The following UGT8 variants were observed in gnomAD, a reference collection of about 807,000 sequenced individuals.
UGT8 encodes the protein UDP glycosyltransferase 8.
UGT8 carries 12 observed loss-of-function variants against 40.5 expected under a neutral mutation model. The observed-to-expected ratio is 0.30, with a 90% confidence interval of 0.19 to 0.48. The LOEUF is 0.48. UGT8 is among the 20% of genes least tolerant of loss of function. The pLI is 0.99. For synonymous variants in UGT8, 224 were observed against 240.4 expected, an observed-to-expected ratio of 0.93 and a Z score of 0.63; for missense variants, 513 against 648.7, an observed-to-expected ratio of 0.79 and a Z score of 2.27.
chr4:114,636,848 C>G (rs1457459636), intron 2 of UGT8, among the ~76,000 whole-genome samples: 10 of 152,156 alleles, frequency 6.6e-5, no homozygotes, highest in Non-Finnish European at 1.3e-4. Context: ...CTATTCCCTT[C>G]TCTCTCTCTG....
In UGT8 at chr4:114,611,981, G is replaced by T. The variant is rs76479805; in HGVS notation, c.-2-10898G>T. Among the ~76,000 whole-genome samples, 324 of 152,198 alleles carry T rather than the reference G, an allele frequency of 2.1e-3. 7 individuals carry two copies. The highest frequency in any genetic ancestry group is 0.015 in the East Asian group (77 of 5,172). On this transcript the variant is annotated intron_variant, in intron 1 of 5. Transcript: ENST00000310836. Reference sequence around the variant, plus strand: ...AGACCTCCAGGTGATTGTGATGCCTGCTGAAGTTTGAGACCCACTTATCTA... The same window carrying T: ...AGACCTCCAGGTGATTGTGATGCCTTCTGAAGTTTGAGACCCACTTATCTA...
chr4:114,659,322 A>G (rs1013471514), intron 2 of UGT8, among the ~76,000 whole-genome samples: 1 of 152,254 alleles, frequency 6.6e-6, no homozygotes, highest in East Asian at 1.9e-4. Flanking sequence ...TTCAAAAGAC[A>G]TAGAAAATTA....
At chr4:114,627,683 C>T (rs1732321541) in intron 2 of UGT8, among the ~76,000 whole-genome samples, 1 of 152,174 alleles carries the variant, frequency 6.6e-6, no homozygotes, top group African/African-American at 2.4e-5. Flanking sequence ...CTTAGGGAAT[C>T]TAATAGTTAT....
At chr4:114,620,722 T>C (rs967401761) in intron 1 of UGT8, among the ~76,000 whole-genome samples, 3 of 152,204 alleles carry the variant, frequency 2.0e-5, no homozygotes, top group African/African-American at 7.2e-5. Context: ...AAAAAGCATC[T>C]GGAAATATAT....
chr4:114,655,684 T>C (rs1024078154), intron 2 of UGT8, among the ~76,000 whole-genome samples: 75 of 152,032 alleles, frequency 4.9e-4, no homozygotes, highest in African/African-American at 1.7e-3. Flanking sequence ...AACATTGATA[T>C]ATATTTTGTG....
intron 2 of UGT8, among the ~76,000 whole-genome samples, chr4:114,659,338 T>C (rs1734378500): frequency 1.3e-5 from 2 of 152,222 alleles, no homozygotes; most frequent in Admixed American, 6.5e-5. Flanking sequence ...AATTACTTTA[T>C]AGCTATAAAC....
At chr4:114,655,759 T>G (rs1281462826) in intron 2 of UGT8, among the ~76,000 whole-genome samples, 1 of 152,084 alleles carries the variant, frequency 6.6e-6, no homozygotes, top group Non-Finnish European at 1.5e-5. Context: ...TTAACAATGA[T>G]ATATTACTAC....
intron 5 of UGT8, among the ~76,000 whole-genome samples, chr4:114,674,775 C>A (rs1411029502): frequency 2.0e-5 from 3 of 152,218 alleles, no homozygotes; most frequent in African/African-American, 7.2e-5. Context: ...CTATAATGCA[C>A]AACTCAGTAG....
At chr4:114,655,601 C>A (rs952840931) in intron 2 of UGT8, among the ~76,000 whole-genome samples, 1 of 151,876 alleles carries the variant, frequency 6.6e-6, no homozygotes, top group Non-Finnish European at 1.5e-5. Context: ...TTTGCAAACT[C>A]AGTTCAAAGT....
At chr4:114,639,535 T>C (rs994259799) in intron 2 of UGT8, among the ~76,000 whole-genome samples, 1 of 152,198 alleles carries the variant, frequency 6.6e-6, no homozygotes, top group African/African-American at 2.4e-5. Flanking sequence ...TTACTTTGCT[T>C]TGCCTTTTCT....
intron 4 of UGT8, 120 bp from the exon 5 acceptor site, chr4:114,667,955 ATTACACCTTT>A: frequency 6.9e-7 from 1 of 1,440,924 alleles, no homozygotes; most frequent in Non-Finnish European, 9.1e-7. Flanking sequence ...AATCAGTGAA[ATTACACCTTT>A]AGGAATCCTT....
intron 1 of UGT8, among the ~76,000 whole-genome samples, chr4:114,606,305 G>A (rs1232320164): frequency 6.6e-6 from 1 of 152,160 alleles, no homozygotes; most frequent in Non-Finnish European, 1.5e-5. Flanking sequence ...GTGATTCAGT[G>A]GTGGTGTCTT....
chr4:114,624,615 A>C (rs1732071913), intron 2 of UGT8, among the ~76,000 whole-genome samples: 1 of 152,174 alleles, frequency 6.6e-6, no homozygotes. Context: ...CTGGTACTAC[A>C]TATTAAAAAT....
At chr4:114,657,809 A>G (rs1734280172) in intron 2 of UGT8, among the ~76,000 whole-genome samples, 1 of 152,052 alleles carries the variant, frequency 6.6e-6, no homozygotes, top group Non-Finnish European at 1.5e-5. Context: ...GCACTTTTAT[A>G]TATTTAATCT....
At chr4:114,657,008 G>T (rs1048596151) in intron 2 of UGT8, among the ~76,000 whole-genome samples, 3 of 152,130 alleles carry the variant, frequency 2.0e-5, no homozygotes, top group African/African-American at 7.2e-5. Context: ...CAGAAATTAG[G>T]TGGGTTTCCA....
chr4:114,640,517 T>C (rs1470328690), intron 2 of UGT8, among the ~76,000 whole-genome samples: 1 of 152,138 alleles, frequency 6.6e-6, no homozygotes, highest in African/African-American at 2.4e-5. Context: ...TGGATTTTAT[T>C]TAATTCAAAG....
intron 1 of UGT8, among the ~76,000 whole-genome samples, chr4:114,600,360 G>A (rs1323270947): frequency 1.3e-5 from 2 of 152,186 alleles, no homozygotes; most frequent in Non-Finnish European, 2.9e-5. Context: ...ATGTTAGGGA[G>A]TTTGGCTAGA....
At chr4:114,663,413 C>G (rs772242812) in intron 2 of UGT8, among the ~76,000 whole-genome samples, 28 of 151,982 alleles carry the variant, frequency 1.8e-4, no homozygotes, top group East Asian at 1.9e-4. Context: ...TGCCGTGGCT[C>G]TATTTATTTT....
At chr4:114,606,538 T>C (rs1392724351) in intron 1 of UGT8, among the ~76,000 whole-genome samples, 1 of 152,198 alleles carries the variant, frequency 6.6e-6, no homozygotes, top group Non-Finnish European at 1.5e-5. Flanking sequence ...TCAAACAGGT[T>C]TGCCTGTCTA....
Sources: allele counts gnomAD v4.1 joint callset (sites outside exome capture counted in the v4.1 genomes callset), GRCh38; gene constraint gnomAD v4.1.1; transcripts MANE v1.5; gene names NCBI Gene and HGNC (gene_info 2026-07-23, HGNC 2026-07-21).